SMYD3: variants seen among roughly 807,000 people sequenced by gnomAD.
The protein encoded by SMYD3 is histone-lysine N-methyltransferase SMYD3.
Under a neutral mutation model 57.7 loss-of-function variants are expected in SMYD3, and 36 were observed. That is an observed-to-expected ratio of 0.62 (90% CI 0.48 to 0.82). The LOEUF is 0.82. SMYD3 is among the 40% of genes least tolerant of loss of function. SMYD3 has a pLI of 0.00. For missense variants in SMYD3, 515 were observed against 538.8 expected (o/e 0.96, Z 0.44); for synonymous variants, 211 against 195.0 (o/e 1.08, Z -0.68).
chr1:246,208,827 T>C (rs1445096267), intron 5 of SMYD3, among the ~76,000 whole-genome samples: 2 of 151,928 alleles, frequency 1.3e-5, no homozygotes, highest in Non-Finnish European at 2.9e-5. Context: ...ATCAATAATA[T>C]TAAACAGCAT....
chr1:245,998,281 A>G (rs141078081), intron 5 of SMYD3, among the ~76,000 whole-genome samples: 177 of 152,326 alleles, frequency 1.2e-3, no homozygotes, highest in African/African-American at 4.0e-3. Flanking sequence ...AAAGAGTACA[A>G]TGAAACTTCA....
chr1:246,004,299 A>C (rs2059133341), intron 5 of SMYD3, among the ~76,000 whole-genome samples: 1 of 152,194 alleles, frequency 6.6e-6, no homozygotes, highest in African/African-American at 2.4e-5. Flanking sequence ...AGAGAAGAAA[A>C]GCCTTCCAAG....
intron 10 of SMYD3, among the ~76,000 whole-genome samples, chr1:245,857,436 G>A (rs1485370595): frequency 2.4e-5 from 1 of 41,010 alleles, no homozygotes; most frequent in African/African-American, 4.5e-5. Context: ...CCCTCTAGCG[G>A]GAACAGGAAG....
intron 5 of SMYD3, among the ~76,000 whole-genome samples, chr1:246,301,621 G>A (rs753657392): frequency 1.2e-4 from 19 of 152,114 alleles, no homozygotes; most frequent in Non-Finnish European, 5.9e-5. Context: ...AATGTTACGT[G>A]CTATAAGGGA....
chr1:246,306,594 T>A (rs1025731011), intron 5 of SMYD3, among the ~76,000 whole-genome samples: 7 of 152,152 alleles, frequency 4.6e-5, no homozygotes, highest in Non-Finnish European at 5.9e-5. Context: ...TACATAAAAA[T>A]AAACCTCTAT....
intron 8 of SMYD3, among the ~76,000 whole-genome samples, chr1:245,901,837 G>C (rs1309927570): frequency 2.0e-5 from 3 of 152,156 alleles, no homozygotes; most frequent in Non-Finnish European, 4.4e-5. Flanking sequence ...GAAAAGGTAA[G>C]CAAGAAATCT....
intron 1 of SMYD3, among the ~76,000 whole-genome samples, chr1:246,453,695 G>C (rs770535815): frequency 1.3e-5 from 2 of 152,078 alleles, no homozygotes; most frequent in Non-Finnish European, 2.9e-5. Flanking sequence ...GCCTTAAAAA[G>C]GCCCACCGTT....
rs75381539 is a variant in SMYD3 at position 246,395,567 on chromosome 1, C to T, written c.165-40473G>A. Reference sequence around the variant, plus strand: ...TTTCACAAGTGGACAATGTGCACTACTACTGCGAGTGGACCCCCACGGTCA... The same window carrying T: ...TTTCACAAGTGGACAATGTGCACTATTACTGCGAGTGGACCCCCACGGTCA... On this transcript the variant is annotated intron_variant, in intron 1 of 11. Coordinates refer to ENST00000490107, the MANE Select transcript of SMYD3 (RefSeq NM_001167740.2). 8.5e-3 allele frequency among the ~76,000 whole-genome samples: 1,258 copies of T among 147,290 alleles called. 68 individuals carry two copies. In the South Asian group the frequency reaches 0.15, roughly 17 times the overall value.
At chr1:245,862,434 T>C (rs2051600228) in intron 9 of SMYD3, among the ~76,000 whole-genome samples, 1 of 152,250 alleles carries the variant, frequency 6.6e-6, no homozygotes, top group Non-Finnish European at 1.5e-5. Flanking sequence ...ATTTTATATA[T>C]GTTCTTGTTA....
At chr1:246,120,504 T>C (rs927954379) in intron 5 of SMYD3, among the ~76,000 whole-genome samples, 1 of 152,100 alleles carries the variant, frequency 6.6e-6, no homozygotes, top group African/African-American at 2.4e-5. Context: ...TCAGTCTTTC[T>C]CCTCCTTCCA....
intron 5 of SMYD3, among the ~76,000 whole-genome samples, chr1:246,293,075 A>G (rs922440326): frequency 6.6e-6 from 1 of 152,060 alleles, no homozygotes; most frequent in Non-Finnish European, 1.5e-5. Flanking sequence ...ATCATGTATG[A>G]TGCTATTCCA....
chr1:245,925,898 G>A (rs2056339891), intron 7 of SMYD3, among the ~76,000 whole-genome samples: 1 of 152,196 alleles, frequency 6.6e-6, no homozygotes, highest in African/African-American at 2.4e-5. Flanking sequence ...AGTTACACAA[G>A]AGATGTGATT....
intron 5 of SMYD3, among the ~76,000 whole-genome samples, chr1:246,100,545 G>C (rs12565784): frequency 0.034 from 5,170 of 152,218 alleles, 200 homozygotes; most frequent in East Asian, 0.15. Context: ...GCTTGCTGAC[G>C]CTCAGGACTG....
chr1:246,040,399 C>T (rs1048862948), intron 5 of SMYD3, among the ~76,000 whole-genome samples: 37 of 152,330 alleles, frequency 2.4e-4, no homozygotes, highest in African/African-American at 7.7e-4. Context: ...TTTTTTCTCA[C>T]GAAAATGTGA....
At chr1:245,985,232 T>C (rs960471995) in intron 5 of SMYD3, among the ~76,000 whole-genome samples, 1 of 152,170 alleles carries the variant, frequency 6.6e-6, no homozygotes, top group African/African-American at 2.4e-5. Context: ...TCTGATGCCA[T>C]ACATTTTGCC....
intron 2 of SMYD3, among the ~76,000 whole-genome samples, chr1:246,350,973 C>A (rs1208373174): frequency 1.3e-5 from 2 of 152,160 alleles, no homozygotes; most frequent in African/African-American, 4.8e-5. Flanking sequence ...CAGTTTCAGG[C>A]CGAATTTATG....
At chr1:245,898,091 C>CA (rs2053947839) in intron 8 of SMYD3, among the ~76,000 whole-genome samples, 1 of 152,092 alleles carries the variant, frequency 6.6e-6, no homozygotes. Context: ...GGTTTGGCTG[C>CA]TGATACATTA....
At chr1:246,040,249 T>C (rs1308713862) in intron 5 of SMYD3, among the ~76,000 whole-genome samples, 3 of 152,198 alleles carry the variant, frequency 2.0e-5, no homozygotes, top group African/African-American at 4.8e-5. Flanking sequence ...GAAGAGGATT[T>C]ATGTAGCTCC....
chr1:245,945,784 A>T (rs2147917702), intron 5 of SMYD3, among the ~76,000 whole-genome samples: 1 of 152,356 alleles, frequency 6.6e-6, no homozygotes, highest in South Asian at 2.1e-4. Context: ...CACAGTAATA[A>T]AAAGGAACAC....
Sources: gnomAD v4.1 joint callset for allele counts (sites outside exome capture counted in the v4.1 genomes callset) on GRCh38, gnomAD v4.1.1 for gene constraint, MANE v1.5 for transcripts, NCBI Gene and HGNC (gene_info 2026-07-23, HGNC 2026-07-21) for gene names.